The following LUZP2 variants were observed in gnomAD, a reference collection of about 807,000 sequenced individuals.
LUZP2 encodes the protein leucine zipper protein 2.
A neutral mutation model predicts 51.6 loss-of-function variants in LUZP2; 52 were observed. That is an observed-to-expected ratio of 1.01 (90% confidence interval 0.81 to 1.27). The LOEUF (loss-of-function observed/expected upper bound fraction) is 1.27, where lower values mean the gene tolerates loss of function less well. Ranked by LOEUF, LUZP2 falls within the 50% of genes most tolerant of loss-of-function variation. The pLI, the probability that LUZP2 is intolerant of heterozygous loss-of-function variation, is 0.00. For missense variants in LUZP2, 436 were observed against 395.4 expected (o/e 1.10, Z -0.87); for synonymous variants, 154 against 137.3 (o/e 1.12, Z -0.85).
At chr11:24,562,945 G>A (rs1852098899) in intron 1 of LUZP2, among the ~76,000 whole-genome samples, 1 of 151,972 alleles carries the variant, frequency 6.6e-6, no homozygotes. Context: ...AAGATTGTGG[G>A]GCCTAGGAAG....
At chr11:24,831,417 T>C (rs986899934) in intron 5 of LUZP2, among the ~76,000 whole-genome samples, 2 of 152,212 alleles carry the variant, frequency 1.3e-5, no homozygotes, top group African/African-American at 4.8e-5. Flanking sequence ...GACATTAACA[T>C]TTTGGAAGCA....
chr11:24,696,401 A>G (rs1565082810), intron 1 of LUZP2, among the ~76,000 whole-genome samples: 1 of 152,146 alleles, frequency 6.6e-6, no homozygotes. Context: ...ATACAATGTT[A>G]ATTCAATTAT....
intron 7 of LUZP2, among the ~76,000 whole-genome samples, chr11:24,926,324 T>TGTATATATATATAC (rs1854243693): frequency 2.6e-5 from 3 of 115,282 alleles, no homozygotes. Flanking sequence ...TATATACGTG[T>TGTATATATATATAC]GTGTATATAT....
At chr11:25,031,361 A>G (rs1385205062) in intron 9 of LUZP2, among the ~76,000 whole-genome samples, 1 of 152,046 alleles carries the variant, frequency 6.6e-6, no homozygotes, top group Non-Finnish European at 1.5e-5. Flanking sequence ...TTTCTTCAGT[A>G]AATATTGCAA....
intron 1 of LUZP2, among the ~76,000 whole-genome samples, chr11:24,531,832 CA>C (rs1362441172): frequency 6.6e-6 from 1 of 150,958 alleles, no homozygotes; most frequent in Non-Finnish European, 1.5e-5. Context: ...TAGCTTAAGA[CA>C]AAAACTTAGA....
At chr11:24,501,924 A>G (rs1850006541) in intron 1 of LUZP2, among the ~76,000 whole-genome samples, 1 of 152,178 alleles carries the variant, frequency 6.6e-6, no homozygotes. Context: ...TCTACTTTCC[A>G]AGGATATTGA....
chr11:24,671,374 A>C (rs1856397375), intron 1 of LUZP2, among the ~76,000 whole-genome samples: 1 of 151,958 alleles, frequency 6.6e-6, no homozygotes, highest in African/African-American at 2.4e-5. Flanking sequence ...CATTTTATTG[A>C]TATATTAACA....
intron 1 of LUZP2, among the ~76,000 whole-genome samples, chr11:24,653,947 A>G (rs1238352171): frequency 6.6e-6 from 1 of 152,228 alleles, no homozygotes; most frequent in African/African-American, 2.4e-5. Flanking sequence ...CAAATTATGT[A>G]AGTCTAAAAG....
rs1036156304 is a variant in LUZP2, at chr11:24,725,210, C to T, written c.63-3959C>T. Among the ~76,000 whole-genome samples, 3 of 152,080 alleles carry T rather than the reference C, an allele frequency of 2.0e-5. No individual in the cohort carries two copies. The South Asian group carries it at 6.2e-4, about 32-fold the overall frequency. On this transcript the variant is annotated intron_variant, in intron 1 of 11. Coordinates refer to ENST00000336930, the MANE Select transcript of LUZP2 (RefSeq NM_001009909.4). ...ATCCAAGAAGTATCAAAATGTTGTA[C>T]ACAGTTTTAATAATTAAATCATGAC...
chr11:24,655,679 G>A (rs1855777330), intron 1 of LUZP2, among the ~76,000 whole-genome samples: 1 of 152,154 alleles, frequency 6.6e-6, no homozygotes, highest in Admixed American at 6.5e-5. Context: ...CAAATGCGTG[G>A]TCTGAAAAGC....
At chr11:24,564,052 T>C (rs1487504321) in intron 1 of LUZP2, among the ~76,000 whole-genome samples, 6 of 152,186 alleles carry the variant, frequency 3.9e-5, no homozygotes, top group Non-Finnish European at 8.8e-5. Context: ...ACTTGTGTCT[T>C]AGTTCACTGA....
Position 25,081,626 on chromosome 11 carries a change from GA to G in LUZP2, c.*2969del, listed in dbSNP as rs1318631981. 6.6e-6 allele frequency: 1 copy of G among 152,098 alleles called. No individual in the cohort carries two copies. The allele number at this position is 152,098 out of a possible 1,614,324, so 9.4% of individuals were successfully genotyped here. A position where few individuals can be genotyped will look rare whatever the true frequency, so the allele number is the denominator to read the frequency against. ...TACATTTGTGAATGTGTCTATGAGA[GA>G]GGGGCCATTTCTCACATATTTTAAT... On this transcript the variant is annotated 3_prime_UTR_variant, in exon 12 of 12. Transcript: ENST00000336930.
rs776739280 is a variant in LUZP2 at position 24,774,362 on chromosome 11, C to CTCTCTCTCTCTCTCTCTATA, written c.396+11055_396+11056insCTCTCTCTCTCTCTCTATAT. On this transcript the variant is annotated intron_variant, in intron 5 of 11. Transcript: ENST00000336930. ...TCTCTCTCTCTCTCTCTCTCTCTCTCTATATATATATATATATATACATAC... is the reference window on the plus strand; with the variant it reads ...TCTCTCTCTCTCTCTCTCTCTCTCTCTCTCTCTCTCTCTCTCTATATATATATATATATATATATACATAC... Among the ~76,000 whole-genome samples the CTCTCTCTCTCTCTCTCTATA allele has an allele frequency of 7.9e-3, 603 of 76,160 alleles. 8 individuals carry two copies. Among genetic ancestry groups the CTCTCTCTCTCTCTCTCTATA allele is most frequent in the Middle Eastern group, 0.016 (2 of 122 alleles). The allele number at this position is 76,160 out of a possible 152,430, so 50.0% of individuals were successfully genotyped here.
At chr11:24,829,915 C>T (rs1001046731) in intron 5 of LUZP2, among the ~76,000 whole-genome samples, 6 of 152,096 alleles carry the variant, frequency 3.9e-5, no homozygotes, top group African/African-American at 9.7e-5. Context: ...TCTAGTTTTA[C>T]GTATTTTTCA....
chr11:24,845,614 T>A (rs1438604029), intron 5 of LUZP2, among the ~76,000 whole-genome samples: 2 of 152,198 alleles, frequency 1.3e-5, no homozygotes, highest in Non-Finnish European at 2.9e-5. Context: ...AATTCCCATG[T>A]GTCAAGGAAG....
At chr11:24,975,335 G>A (rs1855855666) in intron 7 of LUZP2, among the ~76,000 whole-genome samples, 2 of 152,118 alleles carry the variant, frequency 1.3e-5, no homozygotes, top group South Asian at 2.1e-4. Context: ...AAAATTAAAT[G>A]CATTTTATTA....
rs909846804 is a variant in LUZP2 at position 25,078,883 on chromosome 11, A to G, written c.*225A>G. 10 of 447,608 alleles carry G rather than the reference A, an allele frequency of 2.2e-5. 1 individual carries two copies. Among genetic ancestry groups the G allele is most frequent in the Admixed American group, 1.3e-4 (3 of 23,888 alleles). 27.7% of individuals were successfully genotyped at this position (447,608 alleles called of 1,614,324 possible). ...CACAGTCAGAAATATTTTGTTGTCA[A>G]CAGTAAATTGTCCCATATAAATTGG... On this transcript the variant is annotated 3_prime_UTR_variant, in exon 12 of 12. Coordinates refer to ENST00000336930, the MANE Select transcript of LUZP2 (RefSeq NM_001009909.4).
chr11:24,984,269 G>T (rs539605608), intron 9 of LUZP2, among the ~76,000 whole-genome samples: 3 of 151,110 alleles, frequency 2.0e-5, no homozygotes, highest in Non-Finnish European at 4.4e-5. Flanking sequence ...TTACTTCTGA[G>T]ATTTCCTATT....
At chr11:24,769,660 TA>T (rs1293105804) in intron 5 of LUZP2, among the ~76,000 whole-genome samples, 4 of 145,870 alleles carry the variant, frequency 2.7e-5, no homozygotes, top group Admixed American at 1.4e-4. Context: ...ATGGGGCAGA[TA>T]TTTTTTTCCT....
Sources: allele counts gnomAD v4.1 joint callset (sites outside exome capture counted in the v4.1 genomes callset), GRCh38; gene constraint gnomAD v4.1.1; transcripts MANE v1.5; gene names NCBI Gene and HGNC (gene_info 2026-07-23, HGNC 2026-07-21).